Variants in RGS7 observed in about 807,000 individuals in gnomAD.
RGS7 encodes regulator of G-protein signaling 7.
In RGS7, 27 loss-of-function variants were observed where a neutral mutation model predicts 81.1. The observed-to-expected ratio is 0.33, with a 90% CI of 0.25 to 0.46. The LOEUF is 0.46. RGS7 is among the 20% of genes least tolerant of loss of function. The pLI is 1.00. For missense variants in RGS7, 396 were observed against 607.4 expected, an observed-to-expected ratio of 0.65 and a Z score of 3.66; for synonymous variants, 208 against 207.7, an observed-to-expected ratio of 1.00 and a Z score of -0.01.
chr1:240,963,937 A>G (rs1681881595), intron 4 of RGS7, among the ~76,000 whole-genome samples: 1 of 152,172 alleles, frequency 6.6e-6, no homozygotes, highest in African/African-American at 2.4e-5. Flanking sequence ...ACTTGAAGCC[A>G]GGAGTTTGGG....
At chr1:240,797,053 GC>G (rs1687189010) in intron 18 of RGS7, among the ~76,000 whole-genome samples, 1 of 152,128 alleles carries the variant, frequency 6.6e-6, no homozygotes, top group South Asian at 2.1e-4. Flanking sequence ...CCAGAGCCAG[GC>G]TGATTTAATT....
intron 2 of RGS7, 41 bp from the exon 3 acceptor site, chr1:241,098,803 ACTTTTTTG>A (rs1257117088): frequency 6.8e-7 from 1 of 1,467,396 alleles, no homozygotes; most frequent in Middle Eastern, 1.7e-4. Context: ...ATAAAGTTGA[ACTTTTTTG>A]AAAAAAAATC....
At chr1:240,905,038 G>T (rs1454198028) in intron 6 of RGS7, among the ~76,000 whole-genome samples, 1 of 152,104 alleles carries the variant, frequency 6.6e-6, no homozygotes, top group Non-Finnish European at 1.5e-5. Context: ...TATCACTATG[G>T]TTATAAACTT....
At chr1:241,321,374 T>C (rs1359927576) in intron 2 of RGS7, among the ~76,000 whole-genome samples, 1 of 152,186 alleles carries the variant, frequency 6.6e-6, no homozygotes, top group Admixed American at 6.5e-5. Context: ...CTCACAGCTT[T>C]CTGTTTTCAA....
At chr1:241,142,533 T>A (rs1232548542) in intron 2 of RGS7, among the ~76,000 whole-genome samples, 2 of 152,214 alleles carry the variant, frequency 1.3e-5, no homozygotes, top group Non-Finnish European at 2.9e-5. Context: ...GCTTTAACCC[T>A]GTAAAGCAAT....
intron 2 of RGS7, among the ~76,000 whole-genome samples, chr1:241,213,558 G>A (rs1330072775): frequency 6.6e-6 from 1 of 152,124 alleles, no homozygotes; most frequent in Non-Finnish European, 1.5e-5. Flanking sequence ...TAGTGACTCT[G>A]ATATGCATTC....
At chr1:241,024,091 C>CA (rs1200706677) in intron 3 of RGS7, among the ~76,000 whole-genome samples, 2 of 152,284 alleles carry the variant, frequency 1.3e-5, no homozygotes, top group Non-Finnish European at 2.9e-5. Context: ...GATGAGAAAA[C>CA]AGAAGAACAA....
At chr1:240,878,626 A>G (rs1175742734) in intron 6 of RGS7, among the ~76,000 whole-genome samples, 1 of 151,632 alleles carries the variant, frequency 6.6e-6, no homozygotes, top group Non-Finnish European at 1.5e-5. Context: ...TTAGGTATAT[A>G]TGAGGAAATA....
At chr1:240,910,058 G>C (rs1306082463) in intron 6 of RGS7, among the ~76,000 whole-genome samples, 1 of 151,990 alleles carries the variant, frequency 6.6e-6, no homozygotes, top group East Asian at 1.9e-4. Flanking sequence ...TCTGATATTT[G>C]CTTTTGTTTT....
chr1:241,076,374 C>A (rs1489004284), intron 3 of RGS7, among the ~76,000 whole-genome samples: 1 of 152,158 alleles, frequency 6.6e-6, no homozygotes, highest in Non-Finnish European at 1.5e-5. Flanking sequence ...GTCTTACATT[C>A]CTCCCTAATT....
chr1:240,790,008 T>C lies in RGS7; in HGVS notation c.*6+10633A>G, dbSNP rs1487059568. On this transcript the variant is annotated intron_variant, in intron 18 of 18. Transcript: ENST00000440928. ...CCAGCTTTAAAATTTCTCTCTTTTG[T>C]ACTCTGTCCCTTTATTTCTCAGACC... Among the ~76,000 whole-genome samples, 5 of 152,336 alleles carry C rather than the reference T, an allele frequency of 3.3e-5. No homozygotes were observed. The South Asian group carries it at 8.3e-4, about 25-fold the overall frequency.
At chr1:241,059,987 A>G (rs2061664684) in intron 3 of RGS7, among the ~76,000 whole-genome samples, 3 of 151,564 alleles carry the variant, frequency 2.0e-5, no homozygotes, top group South Asian at 2.1e-4. Context: ...AATTCCATCA[A>G]CATCATCACC....
chr1:240,802,726 C>T (rs78566483), intron 16 of RGS7, among the ~76,000 whole-genome samples, 178 bp downstream of exon 16: 7,705 of 152,008 alleles, frequency 0.051, 643 homozygotes, highest in African/African-American at 0.18. Context: ...ATACAATAAG[C>T]AATAAACAAA....
intron 2 of RGS7, among the ~76,000 whole-genome samples, chr1:241,233,200 CA>C (rs899230157): frequency 2.6e-5 from 4 of 152,184 alleles, no homozygotes; most frequent in Admixed American, 1.3e-4. Context: ...GGATATCCGT[CA>C]CCTTAATTAT....
At position 241,066,635 on chromosome 1, in the gene RGS7, TCA is replaced by T. The variant is rs140393410; in HGVS notation, c.175+32029_175+32030del. On this transcript the variant is annotated intron_variant, in intron 3 of 18. Transcript: ENST00000440928. The stretch of plus-strand genomic sequence containing the variant: ...CATCTCTTTAGATGAGCCCAACTAT[TCA>T]CACTCTTTCCTCTCGCTCCTCAAAT... 2.8e-3 allele frequency among the ~76,000 whole-genome samples: 421 copies of T among 152,048 alleles called. 18 individuals are homozygous for T. In the East Asian group the frequency reaches 0.073, roughly 26 times the overall value.
intron 2 of RGS7, among the ~76,000 whole-genome samples, chr1:241,255,373 G>A (rs887820306): frequency 6.6e-6 from 1 of 152,174 alleles, no homozygotes; most frequent in South Asian, 2.1e-4. Context: ...TCATTGACAG[G>A]TGTAGTTAGT....
chr1:241,182,092 C>T (rs1558162862), intron 2 of RGS7, among the ~76,000 whole-genome samples: 1 of 152,120 alleles, frequency 6.6e-6, no homozygotes, highest in South Asian at 2.1e-4. Context: ...CTAAGAAGGG[C>T]TGGGTTGGAA....
At chr1:241,237,842 T>C (rs1054776828) in intron 2 of RGS7, among the ~76,000 whole-genome samples, 1 of 152,144 alleles carries the variant, frequency 6.6e-6, no homozygotes, top group Non-Finnish European at 1.5e-5. Context: ...CAGTGCAGCT[T>C]TTTACTGTGT....
At chr1:240,933,552 G>T (rs561423788) in intron 5 of RGS7, among the ~76,000 whole-genome samples, 4 of 151,290 alleles carry the variant, frequency 2.6e-5, no homozygotes, top group African/African-American at 9.7e-5. Context: ...TGTAGTAAAC[G>T]ATAATATAGG....
Sources: allele counts gnomAD v4.1 joint callset (sites outside exome capture counted in the v4.1 genomes callset), GRCh38; gene constraint gnomAD v4.1.1; transcripts MANE v1.5; gene names NCBI Gene and HGNC (gene_info 2026-07-23, HGNC 2026-07-21).